Variants in RBM33 observed in about 807,000 individuals in gnomAD.
RBM33 encodes RNA-binding protein 33.
RBM33 carries 28 observed loss-of-function variants against 132.6 expected under a neutral mutation model. That is an observed-to-expected ratio of 0.21 (90% CI 0.16 to 0.29). The LOEUF is 0.29. RBM33 is among the 10% of genes least tolerant of loss of function. The pLI, the probability that RBM33 is intolerant of heterozygous loss-of-function variation, is 1.00. For synonymous variants in RBM33, 634 were observed against 593.0 expected, an observed-to-expected ratio of 1.07 and a Z score of -1.01; for missense variants, 1,291 against 1,518.5, an observed-to-expected ratio of 0.85 and a Z score of 2.49.
chr7:155,651,364 A>G (rs1427095409), intron 1 of RBM33, among the ~76,000 whole-genome samples: 2 of 152,116 alleles, frequency 1.3e-5, no homozygotes, highest in Non-Finnish European at 2.9e-5. Context: ...TCTGCTCTTG[A>G]GAAGTTTGAG....
chr7:155,673,944 T>TGTTG (rs1563138306), intron 3 of RBM33, among the ~76,000 whole-genome samples: 4 of 86,470 alleles, frequency 4.6e-5, no homozygotes, highest in African/African-American at 1.8e-4. Flanking sequence ...GGCTTAGTTT[T>TGTTG]TTTTTTTTTT....
At chr7:155,668,617 T>C (rs1053418250) in intron 2 of RBM33, among the ~76,000 whole-genome samples, 1 of 152,204 alleles carries the variant, frequency 6.6e-6, no homozygotes, top group African/African-American at 2.4e-5. Context: ...ACTAGTACAC[T>C]AATATACTAC....
At chr7:155,724,620 G>A (rs957165898) in intron 9 of RBM33, among the ~76,000 whole-genome samples, 6 of 152,286 alleles carry the variant, frequency 3.9e-5, no homozygotes, top group African/African-American at 9.6e-5. Flanking sequence ...TGCTTTGAGC[G>A]TACAGGTGTG....
chr7:155,696,992 C>T (rs970983846), intron 5 of RBM33, among the ~76,000 whole-genome samples: 1 of 152,168 alleles, frequency 6.6e-6, no homozygotes, highest in Non-Finnish European at 1.5e-5. Flanking sequence ...TGCCACTGGG[C>T]GCATGACATC....
At chr7:155,673,009 G>A in intron 3 of RBM33, 94 bp downstream of exon 3, 2 of 783,018 alleles carry the variant, frequency 2.6e-6, no homozygotes, top group South Asian at 2.2e-5. Flanking sequence ...TTCATTACTG[G>A]AAAGTTGGGT....
Position 155,673,800 on chromosome 7 carries a change from A to ACACACC in RBM33, c.171+886_171+887insACACCC, listed in dbSNP as rs369078260. 2.3e-3 allele frequency among the ~76,000 whole-genome samples: 324 copies of ACACACC among 141,940 alleles called. 7 individuals are homozygous for ACACACC. Among genetic ancestry groups the ACACACC allele is most frequent in the Middle Eastern group, 0.011 (3 of 278 alleles). The allele number at this position is 141,940 out of a possible 152,430, so 93.1% of individuals were successfully genotyped here. Reference sequence around the variant, plus strand: ...CACACACACACACACACACACACACACCCCTACCAGTATATTTCGGACATT... The same window carrying ACACACC: ...CACACACACACACACACACACACACACACACCCCCCTACCAGTATATTTCGGACATT... On this transcript the variant is annotated intron_variant, in intron 3 of 17. Transcript: ENST00000401878.
At chr7:155,744,780 G>GT (rs67693680) in intron 13 of RBM33, among the ~76,000 whole-genome samples, 181 bp from the exon 14 acceptor site, 27,682 of 152,028 alleles carry the variant, frequency 0.18, 3,003 homozygotes, top group East Asian at 0.31. Context: ...TAGCTGTGTG[G>GT]TTTTTTTCCC....
intron 3 of RBM33, among the ~76,000 whole-genome samples, chr7:155,674,193 A>T (rs980279083): frequency 6.6e-6 from 1 of 151,976 alleles, no homozygotes; most frequent in Admixed American, 6.6e-5. Flanking sequence ...GAGTAAACTG[A>T]AATACATCCG....
intron 5 of RBM33, among the ~76,000 whole-genome samples, chr7:155,692,850 G>C (rs1252116675): frequency 6.6e-6 from 1 of 152,146 alleles, no homozygotes; most frequent in African/African-American, 2.4e-5. Context: ...GTGTTCAAAG[G>C]TATATGTATC....
At chr7:155,659,644 A>G (rs991822968) in intron 1 of RBM33, among the ~76,000 whole-genome samples, 2 of 152,226 alleles carry the variant, frequency 1.3e-5, no homozygotes, top group African/African-American at 4.8e-5. Context: ...CCACGAGAGC[A>G]AGAAATTGAC....
At chr7:155,773,333 A>G (rs1385350796) in intron 16 of RBM33, among the ~76,000 whole-genome samples, 1 of 152,138 alleles carries the variant, frequency 6.6e-6, no homozygotes, top group Non-Finnish European at 1.5e-5. Flanking sequence ...TGGGAGGCCA[A>G]GGCAGAGGCG....
chr7:155,772,231 C>T (rs952221730), intron 16 of RBM33, among the ~76,000 whole-genome samples: 4 of 152,140 alleles, frequency 2.6e-5, no homozygotes, highest in Non-Finnish European at 5.9e-5. Flanking sequence ...ACGGAGAGAA[C>T]CCCGGAGGCA....
At chr7:155,772,286 C>T (rs201139193) in intron 16 of RBM33, among the ~76,000 whole-genome samples, 3 of 79,758 alleles carry the variant, frequency 3.8e-5, no homozygotes, top group Non-Finnish European at 3.4e-5. Flanking sequence ...GGTTTAGGTT[C>T]GGGTTAGGTT....
Position 155,661,146 on chromosome 7 carries a change from A to ATATATTTTT in RBM33, c.44-4028_44-4027insATATTTTTT, listed in dbSNP as rs1421586760. Among the ~76,000 whole-genome samples the ATATATTTTT allele has an allele frequency of 4.1e-4, 33 of 81,182 alleles. 1 individual carries two copies. The highest frequency in any genetic ancestry group is 1.0e-3 in the South Asian group (2 of 1,968). The allele number at this position is 81,182 out of a possible 152,430, so 53.3% of individuals were successfully genotyped here. On this transcript the variant is annotated intron_variant, in intron 1 of 17. Transcript: ENST00000401878. ...TGTGTGTGTGTATATATATATATAT[A>ATATATTTTT]TTTTTTTTTTTTTGAGACAGAGTCT... is the stretch of plus-strand genomic sequence containing the variant.
At chr7:155,751,730 G>A (rs1347860782) in intron 14 of RBM33, among the ~76,000 whole-genome samples, 2 of 152,172 alleles carry the variant, frequency 1.3e-5, no homozygotes, top group African/African-American at 4.8e-5. Context: ...CGGCGGGTGG[G>A]TAAAAGTGAT....
intron 2 of RBM33, among the ~76,000 whole-genome samples, chr7:155,668,646 AGTTC>A (rs1161374258): frequency 6.6e-6 from 1 of 152,152 alleles, no homozygotes; most frequent in Non-Finnish European, 1.5e-5. Context: ...ACTGTAAACT[AGTTC>A]GTTCTTGAGG....
At chr7:155,741,441 T>C (rs1377543471) in intron 12 of RBM33, among the ~76,000 whole-genome samples, 1 of 152,250 alleles carries the variant, frequency 6.6e-6, no homozygotes, top group Admixed American at 6.5e-5. Flanking sequence ...AATAGTAGCA[T>C]GTGAATCCCG....
intron 5 of RBM33, among the ~76,000 whole-genome samples, chr7:155,693,421 G>A (rs1433912309): frequency 2.6e-5 from 4 of 151,338 alleles, no homozygotes; most frequent in Non-Finnish European, 4.4e-5. Context: ...CAGAAAGTAA[G>A]AGCTCATCCA....
At chr7:155,708,143 T>G (rs558328362) in intron 7 of RBM33, among the ~76,000 whole-genome samples, 108 of 152,394 alleles carry the variant, frequency 7.1e-4, no homozygotes, top group African/African-American at 2.3e-3. Flanking sequence ...CAGGAGCCAT[T>G]CATTTGTGAA....
Sources: allele counts gnomAD v4.1 joint callset (sites outside exome capture counted in the v4.1 genomes callset), GRCh38; gene constraint gnomAD v4.1.1; transcripts MANE v1.5; gene names NCBI Gene and HGNC (gene_info 2026-07-23, HGNC 2026-07-21).